Variants in COL21A1 observed in about 807,000 individuals in gnomAD.
COL21A1 encodes the protein collagen alpha-1(XXI) chain.
Under a neutral mutation model 137.9 loss-of-function variants are expected in COL21A1, and 149 were observed. The ratio of observed to expected loss-of-function variants is 1.08; its 90% CI spans 0.95 to 1.24. The LOEUF (loss-of-function observed/expected upper bound fraction) is 1.24. Among genes scored for constraint, COL21A1 ranks in the 50% most tolerant of loss-of-function variants. The pLI, the probability that COL21A1 is intolerant of heterozygous loss-of-function variation, is 0.00. For missense variants in COL21A1, 1,167 were observed against 1,158.4 expected (o/e 1.01, Z -0.11); for synonymous variants, 456 against 391.5 (o/e 1.16, Z -1.95).
intron 12 of COL21A1, 100 bp downstream of exon 12, chr6:56,141,685 A>C: frequency 7.8e-7 from 1 of 1,287,308 alleles, no homozygotes; most frequent in Non-Finnish European, 1.1e-6. Context: ...CAAATCTTAG[A>C]ATTCACCAAG....
chr6:56,139,600 C>T (rs1327749389), intron 12 of COL21A1, among the ~76,000 whole-genome samples: 1 of 152,170 alleles, frequency 6.6e-6, no homozygotes, highest in African/African-American at 2.4e-5. Flanking sequence ...TCTTCAGGAA[C>T]ACTGAAAGAA....
At chr6:56,325,622 AATC>A (rs1765033257) in intron 1 of COL21A1, among the ~76,000 whole-genome samples, 2 of 732 alleles carry the variant, frequency 2.7e-3, no homozygotes, top group Non-Finnish European at 6.3e-3. Context: ...TATATATAAT[AATC>A]TATTATATAT....
intron 1 of COL21A1, among the ~76,000 whole-genome samples, chr6:56,194,009 T>C (rs1778866958): frequency 6.6e-6 from 1 of 152,128 alleles, no homozygotes; most frequent in Non-Finnish European, 1.5e-5. Context: ...AGTGCTGGGA[T>C]TACAGGCGTG....
At chr6:56,269,136 T>TGACA (rs1485857713) in intron 1 of COL21A1, among the ~76,000 whole-genome samples, 1 of 152,032 alleles carries the variant, frequency 6.6e-6, no homozygotes, top group Non-Finnish European at 1.5e-5. Context: ...CTACAACTAT[T>TGACA]GACACTCATG....
At chr6:56,158,266 CT>C (rs67453245) in intron 9 of COL21A1, among the ~76,000 whole-genome samples, 70 of 62,406 alleles carry the variant, frequency 1.1e-3, no homozygotes, top group South Asian at 3.1e-3. Flanking sequence ...TTTTTTTTTT[CT>C]TTTTTTTTTT....
At chr6:56,283,443 C>T (rs958582768) in intron 1 of COL21A1, among the ~76,000 whole-genome samples, 7 of 151,976 alleles carry the variant, frequency 4.6e-5, no homozygotes, top group African/African-American at 7.3e-5. Flanking sequence ...AATTTAGGCA[C>T]GGAACAAAAG....
chr6:56,292,438 AG>A (rs1480692629), intron 1 of COL21A1, among the ~76,000 whole-genome samples: 1 of 128,978 alleles, frequency 7.8e-6, no homozygotes, highest in Admixed American at 1.0e-4. Flanking sequence ...TGAACTCACC[AG>A]GGAAATAGTA....
intron 16 of COL21A1, among the ~76,000 whole-genome samples, chr6:56,122,139 G>T (rs1391548812): frequency 6.6e-6 from 1 of 151,558 alleles, no homozygotes; most frequent in Admixed American, 6.6e-5. Flanking sequence ...CATGGTAATT[G>T]AAAGAACAAA....
chr6:56,179,374 C>A (rs1480895292), intron 3 of COL21A1, among the ~76,000 whole-genome samples: 2 of 151,652 alleles, frequency 1.3e-5, no homozygotes, highest in Non-Finnish European at 2.9e-5. Flanking sequence ...TTCTAAAAAC[C>A]AAAATTTATC....
At chr6:56,319,572 A>C (rs1301919762) in intron 1 of COL21A1, among the ~76,000 whole-genome samples, 1 of 152,172 alleles carries the variant, frequency 6.6e-6, no homozygotes, top group Non-Finnish European at 1.5e-5. Flanking sequence ...TCCTGACCTC[A>C]GGTGATCTGC....
chr6:56,168,073 A>G (rs1776728416), intron 6 of COL21A1, 51 bp downstream of exon 6: 2 of 1,226,720 alleles, frequency 1.6e-6, no homozygotes, highest in Non-Finnish European at 2.2e-6. Context: ...TACAAAGGAC[A>G]GCAAAAGTTT....
chr6:56,116,896 A>G (rs924466577), intron 16 of COL21A1, among the ~76,000 whole-genome samples: 1 of 152,026 alleles, frequency 6.6e-6, no homozygotes, highest in Non-Finnish European at 1.5e-5. Context: ...TCAGTTTAAA[A>G]TAATGGGTTA....
intron 16 of COL21A1, among the ~76,000 whole-genome samples, chr6:56,104,135 A>G (rs1770678747): frequency 6.6e-6 from 1 of 152,188 alleles, no homozygotes; most frequent in South Asian, 2.1e-4. Context: ...GGTAGAAAAC[A>G]TAATTTATAG....
chr6:56,239,948 C>A (rs947369642), intron 1 of COL21A1, among the ~76,000 whole-genome samples: 1 of 152,098 alleles, frequency 6.6e-6, no homozygotes, highest in Non-Finnish European at 1.5e-5. Context: ...GTGAGAGGGA[C>A]CTGGTGGGAG....
intron 24 of COL21A1, among the ~76,000 whole-genome samples, chr6:56,064,025 G>A (rs1028553302): frequency 6.6e-6 from 1 of 152,068 alleles, no homozygotes; most frequent in Non-Finnish European, 1.5e-5. Flanking sequence ...CAATCTCACT[G>A]AAACATCACC....
intron 1 of COL21A1, among the ~76,000 whole-genome samples, chr6:56,258,380 C>T (rs1311806238): frequency 1.3e-5 from 2 of 152,102 alleles, no homozygotes; most frequent in African/African-American, 4.8e-5. Flanking sequence ...CTGCCAAGTT[C>T]CCCTGAACTT....
At chr6:56,285,073 C>A (rs1291823251) in intron 1 of COL21A1, among the ~76,000 whole-genome samples, 1 of 152,230 alleles carries the variant, frequency 6.6e-6, no homozygotes, top group African/African-American at 2.4e-5. Flanking sequence ...GTCCCCAATA[C>A]TTCTTCCTAT....
At chr6:56,338,651 G>A (rs1040332083) in intron 1 of COL21A1, among the ~76,000 whole-genome samples, 3 of 152,180 alleles carry the variant, frequency 2.0e-5, no homozygotes, top group Non-Finnish European at 4.4e-5. Flanking sequence ...AGACCAGCCA[G>A]CCTGCTACAT....
At chr6:56,124,941 G>A (rs1025064703) in intron 14 of COL21A1, among the ~76,000 whole-genome samples, 2 of 150,566 alleles carry the variant, frequency 1.3e-5, no homozygotes, top group African/African-American at 2.4e-5. Context: ...CACCGCGCCC[G>A]GCCTTCAGTG....
Sources: gnomAD v4.1 joint callset for allele counts (sites outside exome capture counted in the v4.1 genomes callset) on GRCh38, gnomAD v4.1.1 for gene constraint, MANE v1.5 for transcripts, NCBI Gene and HGNC (gene_info 2026-07-23, HGNC 2026-07-21) for gene names.